FBN1: variants seen among roughly 807,000 people sequenced by gnomAD.
FBN1 encodes the protein fibrillin-1.
A neutral mutation model predicts 365.1 loss-of-function variants in FBN1; 29 were observed. The observed-to-expected ratio is 0.08, with a 90% CI of 0.06 to 0.11. The LOEUF (loss-of-function observed/expected upper bound fraction) is 0.11. Ranked by LOEUF, FBN1 falls within the 10% of genes least tolerant of loss-of-function variation. The pLI, the probability that FBN1 is intolerant of heterozygous loss-of-function variation, is 1.00. For synonymous variants in FBN1, 1,210 were observed against 1,270.5 expected, an observed-to-expected ratio of 0.95 and a Z score of 1.01; for missense variants, 2,476 against 3,703.2, an observed-to-expected ratio of 0.67 and a Z score of 8.60.
At position 48,484,037 on chromosome 15, in the gene FBN1, C is replaced by G. The variant is rs926510627; in HGVS notation, c.3713-94G>C. On this transcript the variant is annotated intron_variant, in intron 30 of 65. Transcript: ENST00000316623. The stretch of plus-strand genomic sequence containing the variant: ...ACTGACCGCAGTCAAATAAACTTAG[C>G]CTACTAGCATAAGACTATTAACTCT... 7.9e-6 allele frequency: 10 copies of G among 1,272,440 alleles called. No individual in the cohort carries two copies. The African/African-American group carries it at 1.5e-4, about 19-fold the overall frequency. 78.8% of individuals were successfully genotyped at this position (1,272,440 alleles called of 1,614,324 possible).
At chr15:48,414,786 C>T (rs1227541423) in intron 64 of FBN1, among the ~76,000 whole-genome samples, 2 of 151,868 alleles carry the variant, frequency 1.3e-5, no homozygotes, top group African/African-American at 2.4e-5. Flanking sequence ...GTCCCAGCTA[C>T]TCCAGAGGCT....
At chr15:48,427,966 T>G (rs1356891785) in intron 57 of FBN1, 193 bp from the exon 58 acceptor site, 1 of 702,148 alleles carries the variant, frequency 1.4e-6, no homozygotes, top group Non-Finnish European at 2.6e-6. Flanking sequence ...AATAAGACAT[T>G]CAGTAAGTAG....
intron 4 of FBN1, 118 bp from the exon 5 acceptor site, chr15:48,600,352 C>T: frequency 5.4e-6 from 4 of 744,886 alleles, no homozygotes; most frequent in Non-Finnish European, 9.5e-6. Flanking sequence ...CAGGATTCAT[C>T]TATTTTTACC....
intron 2 of FBN1, chr15:48,644,188 C>T (rs937273997): frequency 5.3e-6 from 1 of 188,538 alleles, no homozygotes; most frequent in Non-Finnish European, 1.1e-5. Flanking sequence ...ATGGGAATCC[C>T]TTCCTTTCCT....
intron 42 of FBN1, among the ~76,000 whole-genome samples, chr15:48,460,525 G>A (rs185508621): frequency 3.5e-4 from 54 of 152,278 alleles, no homozygotes; most frequent in Non-Finnish European, 6.6e-4. Flanking sequence ...TAATGTTGAC[G>A]TGATAATGAA....
intron 53 of FBN1, among the ~76,000 whole-genome samples, chr15:48,435,772 A>G (rs28371806): frequency 9.1e-4 from 97 of 106,330 alleles, no homozygotes; most frequent in South Asian, 1.9e-3. Flanking sequence ...ATATGTGTAT[A>G]TGTGTGTGTG....
At chr15:48,536,812 C>A (rs1014881284) in intron 7 of FBN1, among the ~76,000 whole-genome samples, 1 of 152,194 alleles carries the variant, frequency 6.6e-6, no homozygotes, top group African/African-American at 2.4e-5. Context: ...TACAAAACAA[C>A]GCCAAAGTAT....
At position 48,437,149 on chromosome 15, in the gene FBN1, A is replaced by C. The variant is rs1304958185; in HGVS notation, c.6380-72T>G. 1.1e-5 allele frequency: 14 copies of C among 1,223,836 alleles called. No homozygotes were observed. The Admixed American group carries it at 2.4e-4, about 21-fold the overall frequency. 75.8% of individuals were successfully genotyped at this position (1,223,836 alleles called of 1,614,324 possible). On this transcript the variant is annotated intron_variant, in intron 52 of 65. Transcript: ENST00000316623. ...CGTGAAGATAAATTATGATCATTTC[A>C]GTGTTTAATCAAAAGATTATCTAAT...
At chr15:48,609,498 T>C (rs1433861420) in intron 4 of FBN1, among the ~76,000 whole-genome samples, 2 of 152,192 alleles carry the variant, frequency 1.3e-5, no homozygotes, top group African/African-American at 4.8e-5. Context: ...ATAAAGTACA[T>C]TATCAAATCT....
chr15:48,513,467 T>C, intron 13 of FBN1, 82 bp downstream of exon 13: 1 of 1,598,168 alleles, frequency 6.3e-7, no homozygotes, highest in Non-Finnish European at 8.6e-7. Context: ...CATGGGTTAT[T>C]TAAACTCCAT....
chr15:48,526,951 G>T (rs2043919935), intron 8 of FBN1, among the ~76,000 whole-genome samples: 1 of 152,212 alleles, frequency 6.6e-6, no homozygotes, highest in Admixed American at 6.5e-5. Flanking sequence ...CTCGCCCGAG[G>T]TCACACCCTT....
At chr15:48,544,676 TTG>T (rs1300101681) in intron 6 of FBN1, among the ~76,000 whole-genome samples, 1 of 152,216 alleles carries the variant, frequency 6.6e-6, no homozygotes, top group Non-Finnish European at 1.5e-5. Flanking sequence ...CTGCAGCAAA[TTG>T]TTACCACATT....
chr15:48,491,653 C>CG (rs1555398921), intron 24 of FBN1, among the ~76,000 whole-genome samples: 1 of 152,112 alleles, frequency 6.6e-6, no homozygotes, highest in Non-Finnish European at 1.5e-5. Flanking sequence ...ACCCGGCCCA[C>CG]TTTTTTAACT....
chr15:48,505,994 G>T (rs2043704738), intron 15 of FBN1, among the ~76,000 whole-genome samples: 1 of 152,156 alleles, frequency 6.6e-6, no homozygotes. Context: ...AGGCTAAGGT[G>T]GGCAGATCAC....
At chr15:48,491,007 G>A (rs931777969) in intron 24 of FBN1, among the ~76,000 whole-genome samples, 1 of 152,178 alleles carries the variant, frequency 6.6e-6, no homozygotes, top group African/African-American at 2.4e-5. Context: ...ACGTTAGAAA[G>A]TTTTTGAAGT....
At chr15:48,632,774 T>TA (rs1462093813) in intron 2 of FBN1, among the ~76,000 whole-genome samples, 1 of 152,206 alleles carries the variant, frequency 6.6e-6, no homozygotes, top group African/African-American at 2.4e-5. Flanking sequence ...TCTGGGTTTT[T>TA]ATGACCAAAC....
At chr15:48,495,084 T>C (rs375937232) in intron 22 of FBN1, 39 bp downstream of exon 22, 37 of 1,613,060 alleles carry the variant, frequency 2.3e-5, no homozygotes, top group Admixed American at 8.3e-5. Flanking sequence ...GCAAAGACCA[T>C]TGGAGTGGTA....
intron 6 of FBN1, among the ~76,000 whole-genome samples, chr15:48,585,641 T>C (rs768475239): frequency 2.0e-5 from 3 of 152,210 alleles, no homozygotes; most frequent in Non-Finnish European, 2.9e-5. Flanking sequence ...TCTTCACAGC[T>C]CTAAGCTTGG....
chr15:48,442,782 C>A (rs375269344), intron 49 of FBN1, among the ~76,000 whole-genome samples: 11 of 152,222 alleles, frequency 7.2e-5, no homozygotes, highest in Non-Finnish European at 1.3e-4. Context: ...AACAAACTCA[C>A]TTATCTTTCC....
Sources: allele counts gnomAD v4.1 joint callset (sites outside exome capture counted in the v4.1 genomes callset), GRCh38; gene constraint gnomAD v4.1.1; transcripts MANE v1.5; gene names NCBI Gene and HGNC (gene_info 2026-07-23, HGNC 2026-07-21).